The following ADAMTS12 variants were observed in gnomAD, a reference collection of about 807,000 sequenced individuals.
The protein encoded by ADAMTS12 is ADAM metallopeptidase with thrombospondin type 1 motif 12.
A neutral mutation model predicts 167.8 loss-of-function variants in ADAMTS12; 118 were observed. That is an observed-to-expected ratio of 0.70 (90% CI 0.61 to 0.82). The LOEUF (loss-of-function observed/expected upper bound fraction) is 0.82, where lower values mean the gene tolerates loss of function less well. Ranked by LOEUF, ADAMTS12 falls within the 40% of genes least tolerant of loss-of-function variation. The pLI, the probability that ADAMTS12 is intolerant of heterozygous loss-of-function variation, is 0.00. For synonymous variants in ADAMTS12, 704 were observed against 716.9 expected, an observed-to-expected ratio of 0.98 and a Z score of 0.29; for missense variants, 1,916 against 1,998.8, an observed-to-expected ratio of 0.96 and a Z score of 0.79.
chr5:33,850,170 C>T (rs1041586378), intron 2 of ADAMTS12, among the ~76,000 whole-genome samples: 4 of 152,142 alleles, frequency 2.6e-5, no homozygotes, highest in African/African-American at 9.7e-5. Flanking sequence ...CCACCCTTAC[C>T]ACGAGCGTCT....
intron 16 of ADAMTS12, chr5:33,603,818 A>G (rs1213902240): frequency 6.6e-6 from 1 of 152,228 alleles, no homozygotes; most frequent in East Asian, 1.9e-4. Flanking sequence ...TAACAGTAAT[A>G]TATCACATAT....
At position 33,576,089 on chromosome 5, in the gene ADAMTS12, C is replaced by T. The variant is rs568403595; in HGVS notation, c.3937G>A (p.Gly1313Ser). The part of the protein sequence containing the change: ...SNYKQLTNGH[G>S]SAHWIVGNWS... ...TTTCCGACGATCCAGTGTGCAGAGC[C>T]GTGGCCGTTTGTGAGCTGCTTGTAA... is the stretch of plus-strand genomic sequence containing the variant. Residue 1313 changes from glycine to serine, a missense_variant, in exon 19 of 24, where the codon GGC (glycine) becomes AGC (serine). Transcript: ENST00000504830. The T allele has an allele frequency of 7.4e-6, 12 of 1,614,074 alleles. No homozygotes were observed. Among genetic ancestry groups the T allele is most frequent in the Admixed American group, 1.7e-5 (1 of 60,006 alleles).
chr5:33,622,485 C>T (rs1164216290), intron 14 of ADAMTS12, among the ~76,000 whole-genome samples: 1 of 152,094 alleles, frequency 6.6e-6, no homozygotes, highest in East Asian at 1.9e-4. Context: ...GAAACTCCGT[C>T]TCTACTAAAA....
chr5:33,538,091 A>C (rs971732671), intron 22 of ADAMTS12, among the ~76,000 whole-genome samples: 4 of 152,130 alleles, frequency 2.6e-5, no homozygotes, highest in African/African-American at 9.7e-5. Context: ...GTATTAGCCT[A>C]GTTTCACACT....
At chr5:33,547,498 T>C (rs573393487) in intron 21 of ADAMTS12, among the ~76,000 whole-genome samples, 110 of 152,274 alleles carry the variant, frequency 7.2e-4, no homozygotes, top group African/African-American at 2.5e-3. Flanking sequence ...CCAGATGGGT[T>C]CGTAACATTC....
intron 17 of ADAMTS12, among the ~76,000 whole-genome samples, chr5:33,591,580 A>G (rs1388710866): frequency 2.0e-5 from 3 of 152,006 alleles, no homozygotes; most frequent in Non-Finnish European, 2.9e-5. Context: ...CTGTGTACCC[A>G]TTGTCTCCAT....
intron 14 of ADAMTS12, among the ~76,000 whole-genome samples, chr5:33,620,345 T>G (rs1410846512): frequency 6.6e-6 from 1 of 152,264 alleles, no homozygotes; most frequent in African/African-American, 2.4e-5. Context: ...AGGTTTATGG[T>G]ATTGTGCTAA....
At chr5:33,630,972 C>G in intron 12 of ADAMTS12, 59 bp from the exon 13 acceptor site, 4 of 1,593,086 alleles carry the variant, frequency 2.5e-6, no homozygotes, top group Non-Finnish European at 3.4e-6. Flanking sequence ...GCATCCTCCC[C>G]CAGGATTCCT....
intron 3 of ADAMTS12, among the ~76,000 whole-genome samples, chr5:33,745,149 T>C (rs1293836861): frequency 1.3e-5 from 2 of 152,134 alleles, no homozygotes; most frequent in Non-Finnish European, 2.9e-5. Context: ...TGAATCTCAC[T>C]TTCTCATCAG....
At chr5:33,561,484 T>G (rs1048874794) in intron 19 of ADAMTS12, among the ~76,000 whole-genome samples, 1 of 152,218 alleles carries the variant, frequency 6.6e-6, no homozygotes, top group Admixed American at 6.5e-5. Context: ...TGCTTCCCTT[T>G]AAAACTTATC....
chr5:33,687,702 G>A (rs916639919), intron 3 of ADAMTS12, among the ~76,000 whole-genome samples: 5 of 152,218 alleles, frequency 3.3e-5, no homozygotes, highest in Admixed American at 3.3e-4. Context: ...GGCCTTAACA[G>A]GACTGAGCTG....
At chr5:33,547,568 G>C (rs1745042264) in intron 21 of ADAMTS12, among the ~76,000 whole-genome samples, 1 of 152,104 alleles carries the variant, frequency 6.6e-6, no homozygotes, top group Non-Finnish European at 1.5e-5. Context: ...AATCCCTTAA[G>C]AGCAGCTCCG....
At chr5:33,809,225 A>G (rs13167500) in intron 2 of ADAMTS12, among the ~76,000 whole-genome samples, 83,195 of 152,012 alleles carry the variant, frequency 0.55, 23,108 homozygotes, top group East Asian at 0.78. Context: ...TAGGTCTGGG[A>G]TAGATTCTGC....
chr5:33,650,074 G>T (rs183053626), intron 7 of ADAMTS12, among the ~76,000 whole-genome samples: 20 of 152,272 alleles, frequency 1.3e-4, no homozygotes, highest in Middle Eastern at 6.8e-3. Flanking sequence ...CAGCACAAAA[G>T]AACAAAACCT....
At chr5:33,538,111 A>T (rs765869805) in intron 22 of ADAMTS12, among the ~76,000 whole-genome samples, 90 of 152,172 alleles carry the variant, frequency 5.9e-4, no homozygotes, top group Non-Finnish European at 1.2e-3. Flanking sequence ...TGCTATAAAG[A>T]CATACCTGAG....
chr5:33,709,656 T>G (rs7705604), intron 3 of ADAMTS12, among the ~76,000 whole-genome samples: 130,540 of 151,790 alleles, frequency 0.86, 56,406 homozygotes, highest in Non-Finnish European at 0.89. Context: ...GCTGAACACT[T>G]GGAACACATG....
In ADAMTS12 at chr5:33,546,077, G is replaced by C. The variant is rs146262747; in HGVS notation, c.4428C>G (p.Ala1476=). ...SCNEHLCCHW[A]TGNWDLCSTS... ...GTCTTACCAGGTCCCAGTTCCCAGT[G>C]GCCCAGTGACAGCACAGGTGCTCAT... The change falls in exon 22 of 24, where the codon GCC becomes GCG. Residue 1476 remains alanine, a synonymous_variant. Coordinates refer to ENST00000504830, the MANE Select transcript of ADAMTS12 (RefSeq NM_030955.4). 140 of 1,613,182 alleles carry C rather than the reference G, an allele frequency of 8.7e-5. No individual in the cohort carries two copies. In the African/African-American group the frequency reaches 1.8e-3, roughly 21 times the overall value.
chr5:33,585,954 C>A (rs777574611), intron 18 of ADAMTS12, among the ~76,000 whole-genome samples: 3 of 152,154 alleles, frequency 2.0e-5, no homozygotes, highest in Non-Finnish European at 4.4e-5. Flanking sequence ...CATGAATGTA[C>A]TTCCTCTTTC....
intron 11 of ADAMTS12, among the ~76,000 whole-genome samples, chr5:33,639,885 A>G (rs1561188428): frequency 6.6e-6 from 1 of 152,112 alleles, no homozygotes; most frequent in Non-Finnish European, 1.5e-5. Flanking sequence ...CTCATGAAAG[A>G]GTTTTGACCA....
Sources: allele counts gnomAD v4.1 joint callset (sites outside exome capture counted in the v4.1 genomes callset), GRCh38; gene constraint gnomAD v4.1.1; transcripts MANE v1.5; gene names NCBI Gene and HGNC (gene_info 2026-07-23, HGNC 2026-07-21).